Variants in ZNF512 observed in about 807,000 individuals in gnomAD.
ZNF512 encodes zinc finger protein 512.
Under a neutral mutation model 77.5 loss-of-function variants are expected in ZNF512, and 25 were observed. That is an observed-to-expected ratio of 0.32 (90% CI 0.23 to 0.45). The LOEUF (loss-of-function observed/expected upper bound fraction) is 0.45, where lower values mean the gene tolerates loss of function less well. Ranked by LOEUF, ZNF512 falls within the 20% of genes least tolerant of loss-of-function variation. The pLI is 1.00. For synonymous variants in ZNF512, 246 were observed against 239.9 expected, an observed-to-expected ratio of 1.03 and a Z score of -0.24; for missense variants, 483 against 692.6, an observed-to-expected ratio of 0.70 and a Z score of 3.40.
At chr2:27,606,603 C>T (rs912557534) in intron 9 of ZNF512, among the ~76,000 whole-genome samples, 7 of 152,110 alleles carry the variant, frequency 4.6e-5, no homozygotes, top group South Asian at 2.1e-4. Context: ...TCAGGTTATC[C>T]GCCTGCCTCA....
At chr2:27,617,074 C>A (rs1361537488) in intron 12 of ZNF512, 1 of 179,726 alleles carries the variant, frequency 5.6e-6, no homozygotes, top group Non-Finnish European at 1.2e-5. Flanking sequence ...GCACTTTTTG[C>A]GACAGTAGAT....
At chr2:27,585,324 C>T (rs1023807502) in intron 2 of ZNF512, among the ~76,000 whole-genome samples, 1 of 152,216 alleles carries the variant, frequency 6.6e-6, no homozygotes, top group African/African-American at 2.4e-5. Context: ...ATGATGTTTT[C>T]TTCCACAAGC....
At chr2:27,616,360 C>T (rs1672879303) in intron 12 of ZNF512, 36 bp downstream of exon 12, 1 of 1,517,270 alleles carries the variant, frequency 6.6e-7, no homozygotes, top group Non-Finnish European at 9.1e-7. Flanking sequence ...CTTAACATGT[C>T]CTCTAAAATA....
intron 7 of ZNF512, among the ~76,000 whole-genome samples, chr2:27,602,064 G>A (rs961767580): frequency 1.3e-5 from 2 of 152,234 alleles, no homozygotes; most frequent in Non-Finnish European, 1.5e-5. Context: ...GATTACAGGC[G>A]TGAGCCACTG....
intron 10 of ZNF512, 54 bp downstream of exon 10, chr2:27,608,093 A>G (rs544700882): frequency 2.0e-5 from 29 of 1,472,510 alleles, no homozygotes; most frequent in Non-Finnish European, 2.4e-5. Flanking sequence ...CGTTGTGCCT[A>G]CTGTACACAG....
At chr2:27,610,329 A>C (rs1162896712) in intron 10 of ZNF512, among the ~76,000 whole-genome samples, 71 of 148,208 alleles carry the variant, frequency 4.8e-4, no homozygotes, top group Non-Finnish European at 8.2e-4. Context: ...GTGCCACTGC[A>C]CTCCAGCCTG....
chr2:27,590,854 A>T (rs1671537345), intron 2 of ZNF512, among the ~76,000 whole-genome samples: 1 of 152,072 alleles, frequency 6.6e-6, no homozygotes, highest in Non-Finnish European at 1.5e-5. Context: ...CATTCTTAAA[A>T]ATCCAAGTTT....
At chr2:27,600,957 A>C in intron 6 of ZNF512, 142 bp downstream of exon 6, 2 of 1,175,426 alleles carry the variant, frequency 1.7e-6, no homozygotes, top group Non-Finnish European at 2.3e-6. Context: ...GATCTGACAG[A>C]GTTAGGTTTG....
At chr2:27,591,916 G>A (rs1341153027) in intron 2 of ZNF512, among the ~76,000 whole-genome samples, 2 of 152,180 alleles carry the variant, frequency 1.3e-5, no homozygotes, top group Non-Finnish European at 2.9e-5. Context: ...ATCATTTCCT[G>A]TAATGTAATA....
chr2:27,606,902 G>A (rs1035034095), intron 9 of ZNF512, among the ~76,000 whole-genome samples: 5 of 152,046 alleles, frequency 3.3e-5, no homozygotes, highest in African/African-American at 4.8e-5. Context: ...ATTCAGTTCC[G>A]TGCAGTTGCA....
chr2:27,591,743 A>G (rs1286322088), intron 2 of ZNF512, among the ~76,000 whole-genome samples: 1 of 152,148 alleles, frequency 6.6e-6, no homozygotes, highest in African/African-American at 2.4e-5. Context: ...AGGTCTTGCT[A>G]TGTTGCCCAG....
At chr2:27,615,471 G>A (rs1158954586) in intron 11 of ZNF512, among the ~76,000 whole-genome samples, 1 of 152,192 alleles carries the variant, frequency 6.6e-6, no homozygotes, top group Non-Finnish European at 1.5e-5. Context: ...AGCTGGAATC[G>A]CTCATAAAAG....
chr2:27,617,670 C>G (rs1041749158), intron 13 of ZNF512, 99 bp downstream of exon 13: 3 of 675,484 alleles, frequency 4.4e-6, no homozygotes, highest in Admixed American at 2.3e-5. Context: ...GAAAGTATCT[C>G]TAAAGTGGTT....
intron 2 of ZNF512, among the ~76,000 whole-genome samples, chr2:27,594,988 G>T (rs550742068): frequency 2.0e-5 from 3 of 152,262 alleles, no homozygotes; most frequent in Admixed American, 6.5e-5. Flanking sequence ...AACCAGTCAG[G>T]CGTGGCGGCG....
chr2:27,596,666 A>G (rs1245323257), intron 2 of ZNF512, among the ~76,000 whole-genome samples: 6 of 152,234 alleles, frequency 3.9e-5, no homozygotes, highest in African/African-American at 1.4e-4. Context: ...TACAGAGTCC[A>G]GTGAGCAGGA....
chr2:27,608,521 C>T (rs1020912583), intron 10 of ZNF512, among the ~76,000 whole-genome samples: 23 of 152,004 alleles, frequency 1.5e-4, no homozygotes, highest in African/African-American at 4.8e-4. Context: ...TGGCCTTCTT[C>T]TTCTTGATAC....
At chr2:27,586,644 A>G (rs1671341462) in intron 2 of ZNF512, among the ~76,000 whole-genome samples, 1 of 152,212 alleles carries the variant, frequency 6.6e-6, no homozygotes, top group South Asian at 2.1e-4. Flanking sequence ...AATAGACTGC[A>G]CATATTTAAA....
At chr2:27,608,780 T>C (rs1159552869) in intron 10 of ZNF512, among the ~76,000 whole-genome samples, 6 of 152,038 alleles carry the variant, frequency 3.9e-5, no homozygotes. Flanking sequence ...ACATTTGGCA[T>C]AGGGCTCTGA....
intron 3 of ZNF512, among the ~76,000 whole-genome samples, chr2:27,598,628 CA>C (rs761293599): frequency 0.023 from 1,721 of 73,558 alleles, 21 homozygotes; most frequent in African/African-American, 0.064. Flanking sequence ...GACTCCGTCT[CA>C]AAAAAAAAAA....
Sources: allele counts gnomAD v4.1 joint callset (sites outside exome capture counted in the v4.1 genomes callset), GRCh38; gene constraint gnomAD v4.1.1; transcripts MANE v1.5; gene names NCBI Gene and HGNC (gene_info 2026-07-23, HGNC 2026-07-21).